The following ARHGAP31 variants were observed in gnomAD, a reference collection of about 807,000 sequenced individuals.
ARHGAP31 encodes the protein rho GTPase-activating protein 31.
Under a neutral mutation model 113.9 loss-of-function variants are expected in ARHGAP31, and 34 were observed. That is an observed-to-expected ratio of 0.30 (90% CI 0.23 to 0.40). The LOEUF (loss-of-function observed/expected upper bound fraction) is 0.40. Among genes scored for constraint, ARHGAP31 ranks in the 10% least tolerant of loss-of-function variants. The probability of loss-of-function intolerance (pLI) is 1.00; values close to 1 mark genes in which losing one functional copy is unlikely to be tolerated. For missense variants in ARHGAP31, 1,548 were observed against 1,767.1 expected (o/e 0.88, Z 2.22); for synonymous variants, 650 against 684.8 (o/e 0.95, Z 0.79).
chr3:119,394,845 A>C (rs981673125), intron 8 of ARHGAP31, among the ~76,000 whole-genome samples: 2 of 152,132 alleles, frequency 1.3e-5, no homozygotes, highest in African/African-American at 4.8e-5. Context: ...AAAGAGGGAA[A>C]ATGTGGATAT....
chr3:119,364,147 A>G (rs931875707), intron 1 of ARHGAP31, among the ~76,000 whole-genome samples: 1 of 143,272 alleles, frequency 7.0e-6, no homozygotes, highest in South Asian at 2.3e-4. Flanking sequence ...ACCTCTGGAG[A>G]GGCAGGAACT....
chr3:119,368,154 C>A (rs907800582), intron 2 of ARHGAP31, among the ~76,000 whole-genome samples: 1 of 152,158 alleles, frequency 6.6e-6, no homozygotes, highest in African/African-American at 2.4e-5. Flanking sequence ...GCATTATGTC[C>A]TTCTAATCAC....
intron 4 of ARHGAP31, among the ~76,000 whole-genome samples, chr3:119,381,739 G>A (rs1577021009): frequency 6.6e-6 from 1 of 152,276 alleles, no homozygotes; most frequent in South Asian, 2.1e-4. Context: ...TGTAATCCCA[G>A]CACTTTGGGA....
chr3:119,316,915 C>G (rs2079737059), intron 1 of ARHGAP31, among the ~76,000 whole-genome samples: 1 of 152,238 alleles, frequency 6.6e-6, no homozygotes. Flanking sequence ...GCAGGTCACC[C>G]ACCCAGCCAA....
chr3:119,392,017 C>G (rs1435686404), intron 7 of ARHGAP31, among the ~76,000 whole-genome samples: 1 of 152,192 alleles, frequency 6.6e-6, no homozygotes, highest in Non-Finnish European at 1.5e-5. Context: ...TCTGTGCTTT[C>G]AACCACATCT....
intron 8 of ARHGAP31, among the ~76,000 whole-genome samples, chr3:119,397,851 C>A (rs2080565819): frequency 6.6e-6 from 1 of 152,218 alleles, no homozygotes; most frequent in Admixed American, 6.5e-5. Flanking sequence ...CCTGATCCAT[C>A]CTGAATAGCA....
At position 119,340,083 on chromosome 3, in the gene ARHGAP31, A is replaced by G. The variant is rs1373886928; in HGVS notation, c.101-25233A>G. On this transcript the variant is annotated intron_variant, in intron 1 of 11. Coordinates refer to ENST00000264245, the MANE Select transcript of ARHGAP31 (RefSeq NM_020754.4). ...AACTTTCAAACCTCAGCAGTAAAAA[A>G]CAAATAATCTAATTAGAAAATGTGC... 2.0e-5 allele frequency among the ~76,000 whole-genome samples: 3 copies of G among 152,272 alleles called. No individual in the cohort carries two copies. The East Asian group carries it at 5.8e-4, about 29-fold the overall frequency.
chr3:119,314,425 G>A (rs1347848315), intron 1 of ARHGAP31: 2 of 152,222 alleles, frequency 1.3e-5, no homozygotes. Context: ...ATGATCCTGG[G>A]TCATCTCTGT....
At chr3:119,412,504 G>A (rs541619793) in intron 11 of ARHGAP31, among the ~76,000 whole-genome samples, 9 of 152,262 alleles carry the variant, frequency 5.9e-5, no homozygotes, top group Non-Finnish European at 1.0e-4. Context: ...TAGGGAAAGG[G>A]AGGAGTCTAG....
In ARHGAP31 at chr3:119,380,892, T is replaced by C. The variant is rs765104598; in HGVS notation, c.349-12T>C. ...AAGCACTCACCAGGCTGCCTTGTGT[T>C]CTTCTCCACAGGAGGCAGTGTCGCA... On this transcript the variant is annotated splice_polypyrimidine_tract_variant and intron_variant, in intron 3 of 11. Coordinates refer to ENST00000264245, the MANE Select transcript of ARHGAP31 (RefSeq NM_020754.4). 3.1e-6 allele frequency: 5 copies of C among 1,613,636 alleles called. No individual in the cohort carries two copies. Among genetic ancestry groups the C allele is most frequent in the Non-Finnish European group, 4.2e-6 (5 of 1,179,698 alleles).
intron 1 of ARHGAP31, among the ~76,000 whole-genome samples, chr3:119,343,747 T>C (rs74975733): frequency 1.3e-5 from 2 of 152,272 alleles, no homozygotes; most frequent in East Asian, 3.9e-4. Context: ...CTCTCCCTTT[T>C]CTCCCTGAGG....
chr3:119,411,917 G>A (rs1471862719), intron 11 of ARHGAP31, among the ~76,000 whole-genome samples: 1 of 152,122 alleles, frequency 6.6e-6, no homozygotes, highest in African/African-American at 2.4e-5. Flanking sequence ...AGTCCATTGG[G>A]AATAATAAGA....
intron 1 of ARHGAP31, among the ~76,000 whole-genome samples, chr3:119,355,503 A>G (rs1201328930): frequency 7.1e-6 from 1 of 140,580 alleles, no homozygotes; most frequent in Non-Finnish European, 1.6e-5. Context: ...TTTTTTTATT[A>G]TACTTTAAGT....
At position 119,402,268 on chromosome 3, in the gene ARHGAP31, A is replaced by T; in HGVS notation, c.1516A>T (p.Ser506Cys). The T allele has an allele frequency of 6.2e-7, 1 of 1,614,260 alleles. No individual in the cohort carries two copies. The highest frequency in any genetic ancestry group is 1.1e-5 in the South Asian group (1 of 91,084). ...CGTGTCCGCAGTCATCAGCACCAAC[A>T]GCACGCCGTGCAGAACACCCCCGAA... is the stretch of plus-strand genomic sequence containing the variant. The part of the protein sequence containing the change: ...LRVSAVISTN[S>C]TPCRTPPKEL... Residue 506 changes from serine to cysteine, a missense_variant, in exon 10 of 12, where the codon AGC becomes TGC. Transcript: ENST00000264245.
Position 119,316,619 on chromosome 3 carries a change from T to G in ARHGAP31, c.100+21615T>G, listed in dbSNP as rs115148183. ...AAATAGTTGCTGTGGGGCCCATACT[T>G]TAATCTTAAGAAATTGTGTTTGCCT... On this transcript the variant is annotated intron_variant, in intron 1 of 11. Coordinates refer to ENST00000264245, the MANE Select transcript of ARHGAP31 (RefSeq NM_020754.4). 1.1e-3 allele frequency among the ~76,000 whole-genome samples: 166 copies of G among 152,306 alleles called. 1 individual carries two copies. Among genetic ancestry groups the G allele is most frequent in the African/African-American group, 3.8e-3 (160 of 41,560 alleles).
In ARHGAP31 at chr3:119,414,684, C is replaced by T; in HGVS notation, c.2755C>T (p.His919Tyr). The change falls in exon 12 of 12, where the codon CAC becomes TAC. Residue 919 changes from histidine (H) to tyrosine (Y), a missense_variant. Coordinates refer to ENST00000264245, the MANE Select transcript of ARHGAP31 (RefSeq NM_020754.4). ...EEPQWVTSPL[H>Y]SPTLKDAHKA... ...ACCCCAGTGGGTGACGAGTCCCCTT[C>T]ACTCTCCCACCCTGAAAGACGCGCA... is the stretch of plus-strand genomic sequence containing the variant. The T allele has an allele frequency of 6.2e-7, 1 of 1,614,234 alleles. No individual in the cohort carries two copies. Among genetic ancestry groups the T allele is most frequent in the Non-Finnish European group, 8.5e-7 (1 of 1,180,050 alleles).
In ARHGAP31 at chr3:119,419,632, T is replaced by C. The variant is rs762031263; in HGVS notation, c.*3368T>C. The C allele has an allele frequency of 6.6e-6, 1 of 152,100 alleles. No homozygotes were observed. Among genetic ancestry groups the C allele is most frequent in the Non-Finnish European group, 1.5e-5 (1 of 68,010 alleles). The allele number at this position is 152,100 out of a possible 1,614,324, so 9.4% of individuals were successfully genotyped here. A position where few individuals can be genotyped will look rare whatever the true frequency, so the allele number is the denominator to read the frequency against. On this transcript the variant is annotated 3_prime_UTR_variant, in exon 12 of 12. Coordinates refer to ENST00000264245, the MANE Select transcript of ARHGAP31 (RefSeq NM_020754.4). The stretch of plus-strand genomic sequence containing the variant: ...AGGAGCAAGGTTGAGAACCATTAAG[T>C]TGCCAAACAAAAGCAGAAGGGGAAA...
intron 1 of ARHGAP31, among the ~76,000 whole-genome samples, chr3:119,303,244 C>T (rs77977887): frequency 0.019 from 2,922 of 152,284 alleles, 89 homozygotes; most frequent in African/African-American, 0.066. Context: ...TGTTTGTGCC[C>T]TTCTAGGAAG....
At chr3:119,306,425 C>T (rs923240825) in intron 1 of ARHGAP31, among the ~76,000 whole-genome samples, 8 of 152,068 alleles carry the variant, frequency 5.3e-5, no homozygotes, top group African/African-American at 1.2e-4. Flanking sequence ...GGCATGGTGG[C>T]GCGTGCCTGT....
Sources: allele counts gnomAD v4.1 joint callset (sites outside exome capture counted in the v4.1 genomes callset), GRCh38; gene constraint gnomAD v4.1.1; transcripts MANE v1.5; gene names NCBI Gene and HGNC (gene_info 2026-07-23, HGNC 2026-07-21).